Variants in DYNC2LI1 observed in about 807,000 individuals in gnomAD.
DYNC2LI1 encodes the protein cytoplasmic dynein 2 light intermediate chain 1.
In DYNC2LI1, 45 loss-of-function variants were observed where a neutral mutation model predicts 51.9. That is an observed-to-expected ratio of 0.87 (90% CI 0.68 to 1.11). The LOEUF (loss-of-function observed/expected upper bound fraction) is 1.11, where lower values mean the gene tolerates loss of function less well. Among genes scored for constraint, DYNC2LI1 ranks in the 50% most tolerant of loss-of-function variants. The pLI is 0.00. For synonymous variants in DYNC2LI1, 130 were observed against 137.8 expected (o/e 0.94, Z 0.40); for missense variants, 490 against 417.4 (o/e 1.17, Z -1.51).
At chr2:43,826,911 T>C in the DYNC2LI1 span, among the ~76,000 whole-genome samples, 1 of 152,198 alleles carries the variant, frequency 6.6e-6, no homozygotes, top group African/African-American at 2.4e-5. Flanking sequence ...TGTAACACTT[T>C]CCAACACCAG....
intron 8 of DYNC2LI1, among the ~76,000 whole-genome samples, chr2:43,798,025 G>A (rs1014084891): frequency 2.0e-5 from 3 of 152,032 alleles, no homozygotes; most frequent in Non-Finnish European, 2.9e-5. Flanking sequence ...TACTTGGGAG[G>A]CTGAGGTGGG....
At chr2:43,792,859 C>G in intron 5 of DYNC2LI1, 1 of 1,452,246 alleles carries the variant, frequency 6.9e-7, no homozygotes, top group South Asian at 1.5e-5. Context: ...AAATAATGTT[C>G]CATTGTGTAA....
the DYNC2LI1 span, chr2:43,822,809 C>G: frequency 3.1e-6 from 5 of 1,614,178 alleles, no homozygotes; most frequent in Non-Finnish European, 4.2e-6. Flanking sequence ...GTAGCACACA[C>G]TGCTGAAAAT....
At chr2:43,796,503 A>G (rs1177966435) in intron 7 of DYNC2LI1, among the ~76,000 whole-genome samples, 1 of 152,234 alleles carries the variant, frequency 6.6e-6, no homozygotes, top group Non-Finnish European at 1.5e-5. Flanking sequence ...TATTGAGCTA[A>G]GTATTTAAAC....
At chr2:43,804,302 A>T (rs1426019494) in intron 10 of DYNC2LI1, among the ~76,000 whole-genome samples, 1 of 152,202 alleles carries the variant, frequency 6.6e-6, no homozygotes, top group Non-Finnish European at 1.5e-5. Flanking sequence ...TGCAGTGTGA[A>T]ATCCTTAATA....
intron 8 of DYNC2LI1, among the ~76,000 whole-genome samples, chr2:43,800,347 A>G (rs1295070859): frequency 2.0e-5 from 3 of 152,232 alleles, no homozygotes; most frequent in Admixed American, 1.3e-4. Context: ...CTTAGTGAGT[A>G]TCAGCATCAT....
chr2:43,815,712 T>C, the DYNC2LI1 span, among the ~76,000 whole-genome samples: 5 of 151,882 alleles, frequency 3.3e-5, no homozygotes, highest in Non-Finnish European at 5.9e-5. Context: ...CCAGAAACAC[T>C]GGAAGAGAGG....
rs554908332 is a variant in DYNC2LI1, at chr2:43,774,051, T to A, written c.-88T>A. On this transcript the variant is annotated 5_prime_UTR_variant, in exon 1 of 13. Coordinates refer to ENST00000260605, the MANE Select transcript of DYNC2LI1 (RefSeq NM_016008.4). ...CCCATGGCAACCCAGAAGGCCTCAC[T>A]CCCAGACTCCTTGCGGAGCTCGCCG... 1 of 1,585,692 alleles carries A rather than the reference T, an allele frequency of 6.3e-7. No individual in the cohort carries two copies. The highest frequency in any genetic ancestry group is 8.6e-7 in the Non-Finnish European group (1 of 1,165,066).
At chr2:43,825,381 GT>G in the DYNC2LI1 span, among the ~76,000 whole-genome samples, 7 of 151,978 alleles carry the variant, frequency 4.6e-5, no homozygotes, top group Non-Finnish European at 7.4e-5. Context: ...GTCTTAGTTT[GT>G]TTTTTTGTTT....
At chr2:43,798,782 A>G (rs1665977162) in intron 8 of DYNC2LI1, among the ~76,000 whole-genome samples, 1 of 152,248 alleles carries the variant, frequency 6.6e-6, no homozygotes, top group African/African-American at 2.4e-5. Context: ...CAAAGGAACC[A>G]TAAGGCCTTT....
chr2:43,814,725 A>G, downstream of DYNC2LI1: 2 of 598,602 alleles, frequency 3.3e-6, no homozygotes, highest in Non-Finnish European at 5.9e-6. Flanking sequence ...GATGCTCACT[A>G]TAAAAAAACC....
intron 4 of DYNC2LI1, 59 bp downstream of exon 4, chr2:43,787,309 C>G: frequency 7.3e-7 from 1 of 1,374,712 alleles, no homozygotes; most frequent in Non-Finnish European, 1.0e-6. Flanking sequence ...ATGCTGCTGA[C>G]TTTGTTTTAC....
intron 4 of DYNC2LI1, among the ~76,000 whole-genome samples, chr2:43,787,992 A>C (rs1038733921): frequency 1.3e-5 from 2 of 152,246 alleles, no homozygotes; most frequent in African/African-American, 4.8e-5. Flanking sequence ...TCACCAATGA[A>C]AGTGGGTTAT....
chr2:43,792,184 A>G (rs1673821906), intron 5 of DYNC2LI1, among the ~76,000 whole-genome samples: 1 of 151,212 alleles, frequency 6.6e-6, no homozygotes, highest in Non-Finnish European at 1.5e-5. Flanking sequence ...AATGACATAA[A>G]TATAATTGCC....
At chr2:43,810,871 C>T (rs75802178), downstream of DYNC2LI1, among the ~76,000 whole-genome samples, 444 of 152,276 alleles carry the variant, frequency 2.9e-3, 1 homozygote, top group Non-Finnish European at 5.5e-3. Context: ...GAAGAAACAG[C>T]CTATTCCACA....
At chr2:43,810,463 T>A (rs1354691126), downstream of DYNC2LI1, 5 of 985,438 alleles carry the variant, frequency 5.1e-6, no homozygotes, top group Non-Finnish European at 6.0e-6. Flanking sequence ...CAAGGTGGGA[T>A]AGCCTTTAAG....
the DYNC2LI1 span, chr2:43,826,434 C>T: frequency 6.2e-7 from 1 of 1,614,138 alleles, no homozygotes; most frequent in South Asian, 1.1e-5. Flanking sequence ...AATTCGGTTC[C>T]TGCGAGCCAG....
chr2:43,785,038 C>T (rs1673462422), intron 3 of DYNC2LI1, among the ~76,000 whole-genome samples: 1 of 152,168 alleles, frequency 6.6e-6, no homozygotes, highest in South Asian at 2.1e-4. Context: ...TGGCTCATGC[C>T]TGTAATCCTA....
chr2:43,824,146 C>T, the DYNC2LI1 span: 1 of 1,614,112 alleles, frequency 6.2e-7, no homozygotes, highest in Non-Finnish European at 8.5e-7. Context: ...TGTTTTAATT[C>T]CTTTTCAGAA....
Sources: gnomAD v4.1 joint callset for allele counts (sites outside exome capture counted in the v4.1 genomes callset) on GRCh38, gnomAD v4.1.1 for gene constraint, MANE v1.5 for transcripts, NCBI Gene and HGNC (gene_info 2026-07-23, HGNC 2026-07-21) for gene names.